Variants in SIPA1L1 observed in about 807,000 individuals in gnomAD.
The protein encoded by SIPA1L1 is signal induced proliferation associated 1 like 1.
SIPA1L1 carries 26 observed loss-of-function variants against 162.7 expected under a neutral mutation model. That is an observed-to-expected ratio of 0.16 (90% CI 0.12 to 0.22). SIPA1L1 has a LOEUF of 0.22. SIPA1L1 is among the 10% of genes least tolerant of loss of function. The pLI is 1.00. For missense variants in SIPA1L1, 1,874 were observed against 2,241.0 expected (o/e 0.84, Z 3.31); for synonymous variants, 829 against 837.4 (o/e 0.99, Z 0.17).
At chr14:71,455,032 C>G (rs1478234043) in intron 2 of SIPA1L1, among the ~76,000 whole-genome samples, 1 of 152,160 alleles carries the variant, frequency 6.6e-6, no homozygotes, top group Non-Finnish European at 1.5e-5. Flanking sequence ...CCAGAACCTG[C>G]TAGATCCTTC....
At chr14:71,380,414 C>G (rs1197941727) in intron 2 of SIPA1L1, among the ~76,000 whole-genome samples, 1 of 152,202 alleles carries the variant, frequency 6.6e-6, no homozygotes, top group African/African-American at 2.4e-5. Flanking sequence ...TACTTAAATG[C>G]TCAAGAACTT....
chr14:71,661,423 C>G lies in SIPA1L1; in HGVS notation c.2211C>G (p.Val737=). 1 of 1,614,050 alleles carries G rather than the reference C, an allele frequency of 6.2e-7. No homozygotes were observed. Among genetic ancestry groups the G allele is most frequent in the Non-Finnish European group, 8.5e-7 (1 of 1,179,960 alleles). The change falls in exon 10 of 24, where the codon GTC becomes GTG. Residue 737 remains valine (V), a synonymous_variant. Coordinates refer to ENST00000381232, the MANE Select transcript of SIPA1L1 (RefSeq NM_001386936.1). ...NIRSHFQHVF[V]IVRVHNPCSD... is the part of the protein sequence containing the mutation. ...GATCCCACTTCCAGCACGTTTTCGT[C>G]ATCGTCAGGGTGCACAATCCGTGCT...
rs2043093993 is a variant in SIPA1L1 at position 71,420,358 on chromosome 14, A to G, written c.-464-92385A>G. Among the ~76,000 whole-genome samples the G allele has an allele frequency of 2.0e-5, 3 of 152,320 alleles. No individual in the cohort carries two copies. In the South Asian group the frequency reaches 6.2e-4, roughly 32 times the overall value. On this transcript the variant is annotated intron_variant, in intron 2 of 23. Coordinates refer to ENST00000381232, the MANE Select transcript of SIPA1L1 (RefSeq NM_001386936.1). ...GGAGGATTGAATCCATGAAGGTGGC[A>G]TTATTCGAACAGGGCATTGAAAGGC...
chr14:71,330,138 CCTT>C (rs897580130), intron 2 of SIPA1L1, among the ~76,000 whole-genome samples: 2 of 152,186 alleles, frequency 1.3e-5, no homozygotes, highest in African/African-American at 4.8e-5. Flanking sequence ...ATATCATCAT[CCTT>C]CTCCAAATGA....
intron 2 of SIPA1L1, chr14:71,414,001 T>G (rs1344868972): frequency 6.6e-6 from 1 of 152,190 alleles, no homozygotes; most frequent in Non-Finnish European, 1.5e-5. Flanking sequence ...CTACTAACTT[T>G]GAAATGGAAT....
intron 12 of SIPA1L1, among the ~76,000 whole-genome samples, chr14:71,676,999 G>C (rs1380122761): frequency 4.6e-5 from 7 of 152,196 alleles, no homozygotes; most frequent in Non-Finnish European, 7.3e-5. Flanking sequence ...CCAGTAATGG[G>C]ATGTCTGGGA....
At chr14:71,583,974 C>G (rs2034272461) in intron 4 of SIPA1L1, among the ~76,000 whole-genome samples, 1 of 152,190 alleles carries the variant, frequency 6.6e-6, no homozygotes, top group Admixed American at 6.5e-5. Flanking sequence ...AATCAACACT[C>G]TGCTTTCCAC....
At chr14:71,508,173 G>C (rs1021194145) in intron 2 of SIPA1L1, among the ~76,000 whole-genome samples, 3 of 152,226 alleles carry the variant, frequency 2.0e-5, no homozygotes, top group Non-Finnish European at 4.4e-5. Flanking sequence ...CTGTTAATCT[G>C]TATTTTCATT....
chr14:71,442,172 C>CAAAAAAAA (rs368432068), intron 2 of SIPA1L1, among the ~76,000 whole-genome samples: 4 of 26,090 alleles, frequency 1.5e-4, no homozygotes, highest in African/African-American at 3.3e-4. Flanking sequence ...GACTCTGTCT[C>CAAAAAAAA]AAAAAAAAAA....
At chr14:71,393,396 A>G (rs2040923199) in intron 2 of SIPA1L1, among the ~76,000 whole-genome samples, 1 of 152,244 alleles carries the variant, frequency 6.6e-6, no homozygotes, top group East Asian at 1.9e-4. Flanking sequence ...AATTGGGTGT[A>G]CACTATGGAC....
chr14:71,536,000 T>C (rs1018782076), intron 4 of SIPA1L1, among the ~76,000 whole-genome samples: 3 of 152,280 alleles, frequency 2.0e-5, no homozygotes, highest in Admixed American at 6.5e-5. Flanking sequence ...TCTGTTGCCT[T>C]GCCATCCTAC....
At chr14:71,404,073 G>A (rs2041873968) in intron 2 of SIPA1L1, among the ~76,000 whole-genome samples, 1 of 131,772 alleles carries the variant, frequency 7.6e-6, no homozygotes, top group South Asian at 2.4e-4. Context: ...ATAGTTTCAT[G>A]ACTTTTGCCA....
chr14:71,362,902 G>C (rs2037942110), intron 2 of SIPA1L1, among the ~76,000 whole-genome samples: 1 of 152,162 alleles, frequency 6.6e-6, no homozygotes, highest in South Asian at 2.1e-4. Flanking sequence ...TGAATTTTTT[G>C]AAAAGTGGCA....
At chr14:71,430,499 A>T (rs767441097) in intron 2 of SIPA1L1, among the ~76,000 whole-genome samples, 4 of 152,148 alleles carry the variant, frequency 2.6e-5, no homozygotes, top group Non-Finnish European at 5.9e-5. Context: ...CATCTAACAA[A>T]TGGGGCTAAT....
chr14:71,323,428 A>G (rs751004817), intron 2 of SIPA1L1, among the ~76,000 whole-genome samples: 43 of 152,332 alleles, frequency 2.8e-4, no homozygotes, highest in Middle Eastern at 3.4e-3. Context: ...TAATGTGACT[A>G]TGTGCCTCTT....
chr14:71,714,748 A>AT (rs557613036), intron 17 of SIPA1L1, among the ~76,000 whole-genome samples: 206 of 152,140 alleles, frequency 1.4e-3, no homozygotes, highest in Non-Finnish European at 2.4e-3. Flanking sequence ...TGCTAAGCTA[A>AT]TTTTTAATAT....
chr14:71,339,864 A>G (rs769038221), intron 2 of SIPA1L1, among the ~76,000 whole-genome samples: 7 of 152,170 alleles, frequency 4.6e-5, no homozygotes, highest in Non-Finnish European at 8.8e-5. Flanking sequence ...TGAGATAGAC[A>G]TTAGGACTCT....
chr14:71,612,132 T>A (rs1394813453), intron 5 of SIPA1L1, among the ~76,000 whole-genome samples: 1 of 152,236 alleles, frequency 6.6e-6, no homozygotes, highest in Admixed American at 6.5e-5. Context: ...CATTATACAT[T>A]GACTTATGGT....
intron 7 of SIPA1L1, among the ~76,000 whole-genome samples, chr14:71,640,768 G>A (rs2041630949): frequency 6.6e-6 from 1 of 152,172 alleles, no homozygotes; most frequent in Non-Finnish European, 1.5e-5. Flanking sequence ...GGGATTACAA[G>A]TGTGTGCCCC....
Sources: gnomAD v4.1 joint callset for allele counts (sites outside exome capture counted in the v4.1 genomes callset) on GRCh38, gnomAD v4.1.1 for gene constraint, MANE v1.5 for transcripts, NCBI Gene and HGNC (gene_info 2026-07-23, HGNC 2026-07-21) for gene names.